Variants in GRM7 observed in about 807,000 individuals in gnomAD.
GRM7 encodes the protein metabotropic glutamate receptor 7.
A neutral mutation model predicts 84.5 loss-of-function variants in GRM7; 35 were observed. That is an observed-to-expected ratio of 0.41 (90% CI 0.32 to 0.55). GRM7 has a LOEUF of 0.55. Ranked by LOEUF, GRM7 falls within the 20% of genes least tolerant of loss-of-function variation. GRM7 has a pLI of 0.19. For missense variants in GRM7, 1,003 were observed against 1,194.6 expected, an observed-to-expected ratio of 0.84 and a Z score of 2.36; for synonymous variants, 487 against 455.1, an observed-to-expected ratio of 1.07 and a Z score of -0.89.
chr3:6,929,035 A>G (rs577000658), intron 1 of GRM7, among the ~76,000 whole-genome samples: 1 of 152,288 alleles, frequency 6.6e-6, no homozygotes, highest in South Asian at 2.1e-4. Context: ...AAAGCTGATA[A>G]ATAATTGGAA....
At chr3:7,155,361 C>T (rs1165571651) in intron 2 of GRM7, among the ~76,000 whole-genome samples, 1 of 151,972 alleles carries the variant, frequency 6.6e-6, no homozygotes, top group Non-Finnish European at 1.5e-5. Context: ...TTGCCCTTAC[C>T]AAAGGCTCCC....
chr3:7,378,222 G>T (rs1256454140), intron 4 of GRM7, among the ~76,000 whole-genome samples: 1 of 152,130 alleles, frequency 6.6e-6, no homozygotes, highest in Non-Finnish European at 1.5e-5. Flanking sequence ...AGTCCTCAAA[G>T]AAGAAGTTGT....
intron 5 of GRM7, among the ~76,000 whole-genome samples, chr3:7,440,161 C>A (rs1398005192): frequency 6.6e-6 from 1 of 152,048 alleles, no homozygotes; most frequent in African/African-American, 2.4e-5. Context: ...CAAAGGGAGG[C>A]ATGAATGATT....
chr3:7,715,834 T>C (rs563656955), intron 9 of GRM7, among the ~76,000 whole-genome samples: 1 of 152,164 alleles, frequency 6.6e-6, no homozygotes, highest in Non-Finnish European at 1.5e-5. Context: ...TTCTTTAGTT[T>C]TTGAATCATT....
chr3:7,255,962 A>G (rs550461108), intron 2 of GRM7, among the ~76,000 whole-genome samples: 1 of 152,224 alleles, frequency 6.6e-6, no homozygotes, highest in African/African-American at 2.4e-5. Flanking sequence ...CTCCATTAAC[A>G]CTTAGATAAA....
intron 4 of GRM7, among the ~76,000 whole-genome samples, chr3:7,364,278 A>G (rs1693786412): frequency 6.6e-6 from 1 of 151,840 alleles, no homozygotes; most frequent in African/African-American, 2.4e-5. Flanking sequence ...CCTTTACCCC[A>G]TTAAGAATTT....
chr3:6,892,569 C>T (rs1696005107), intron 1 of GRM7: 2 of 152,082 alleles, frequency 1.3e-5, no homozygotes, highest in South Asian at 4.1e-4. Flanking sequence ...CTGTCAGGGA[C>T]AAGAGCAGGA....
At chr3:7,608,840 A>G (rs1160904323) in intron 8 of GRM7, among the ~76,000 whole-genome samples, 1 of 151,980 alleles carries the variant, frequency 6.6e-6, no homozygotes, top group Admixed American at 6.6e-5. Context: ...GGGTTTTTAT[A>G]GTTTGGAGTT....
intron 1 of GRM7, among the ~76,000 whole-genome samples, chr3:6,971,709 C>A (rs1025582148): frequency 6.6e-6 from 1 of 151,882 alleles, no homozygotes; most frequent in Admixed American, 6.6e-5. Context: ...TCCTTTTTTT[C>A]TTCCTGTACA....
rs182101184 is a variant in GRM7, at chr3:6,887,680, G to T, written c.519+25773G>T. On this transcript the variant is annotated intron_variant, in intron 1 of 9. Coordinates refer to ENST00000357716, the MANE Select transcript of GRM7 (RefSeq NM_000844.4). ...AGTCTTTGCTATTGTGAAGAGTGCT[G>T]CAATAAACATACGTGTGCATGTGTT... Among the ~76,000 whole-genome samples the T allele has an allele frequency of 7.4e-4, 113 of 152,232 alleles. 2 individuals are homozygous for T. The highest frequency in any genetic ancestry group is 2.5e-3 in the African/African-American group (105 of 41,542).
At chr3:6,908,630 C>T (rs1348951098) in intron 1 of GRM7, among the ~76,000 whole-genome samples, 3 of 152,114 alleles carry the variant, frequency 2.0e-5, no homozygotes, top group East Asian at 1.9e-4. Flanking sequence ...TACCTGTCCT[C>T]GCACAGAGTC....
At chr3:7,164,921 G>A (rs1242853856) in intron 2 of GRM7, among the ~76,000 whole-genome samples, 2 of 152,152 alleles carry the variant, frequency 1.3e-5, no homozygotes, top group African/African-American at 4.8e-5. Context: ...AATATATGAA[G>A]AAGCTGAGAA....
intron 7 of GRM7, among the ~76,000 whole-genome samples, chr3:7,501,303 A>C (rs1228377213): frequency 6.6e-6 from 1 of 152,170 alleles, no homozygotes; most frequent in East Asian, 1.9e-4. Flanking sequence ...CAAAAGTGGA[A>C]TTTGGATATT....
rs60445645 is a variant in GRM7 at position 7,741,005 on chromosome 3, GT to G, written c.*610del. ...CGATTATAGTACCACTGCACATCATGTTTTTTTTTTTAAGACAAAAAAGATG... is the reference window on the plus strand; with the variant it reads ...CGATTATAGTACCACTGCACATCATGTTTTTTTTTTAAGACAAAAAAGATG... On this transcript the variant is annotated 3_prime_UTR_variant, in exon 10 of 10. Coordinates refer to ENST00000357716, the MANE Select transcript of GRM7 (RefSeq NM_000844.4). The G allele has an allele frequency of 0.18, 25,965 of 147,882 alleles. 2,378 individuals are homozygous for G. Among genetic ancestry groups the G allele is most frequent in the African/African-American group, 0.19 (7,622 of 40,436 alleles). 9.2% of individuals were successfully genotyped at this position (147,882 alleles called of 1,614,324 possible).
At chr3:7,163,959 C>A (rs1482391979) in intron 2 of GRM7, among the ~76,000 whole-genome samples, 1 of 152,184 alleles carries the variant, frequency 6.6e-6, no homozygotes, top group Non-Finnish European at 1.5e-5. Flanking sequence ...GTGTTCAAGT[C>A]ATCTTGACAT....
chr3:7,031,314 T>G (rs1287582480), intron 1 of GRM7, among the ~76,000 whole-genome samples: 3 of 152,138 alleles, frequency 2.0e-5, no homozygotes, highest in Admixed American at 2.0e-4. Flanking sequence ...TTCCCTTGAT[T>G]TAGTTCAGAT....
intron 4 of GRM7, among the ~76,000 whole-genome samples, chr3:7,319,811 T>C (rs1700708995): frequency 6.6e-6 from 1 of 152,048 alleles, no homozygotes; most frequent in South Asian, 2.1e-4. Flanking sequence ...CTTATTTTTG[T>C]ATCTTGTTGC....
chr3:7,523,932 G>T (rs1144026), intron 7 of GRM7, among the ~76,000 whole-genome samples: 1 of 151,846 alleles, frequency 6.6e-6, no homozygotes, highest in Non-Finnish European at 1.5e-5. Context: ...TAGTTTTCTG[G>T]GTTTTGTTGT....
At chr3:7,195,825 T>C (rs1318722975) in intron 2 of GRM7, among the ~76,000 whole-genome samples, 2 of 152,274 alleles carry the variant, frequency 1.3e-5, no homozygotes, top group East Asian at 1.9e-4. Context: ...TAATATTTGC[T>C]AAAGGCAGTT....
Sources: gnomAD v4.1 joint callset for allele counts (sites outside exome capture counted in the v4.1 genomes callset) on GRCh38, gnomAD v4.1.1 for gene constraint, MANE v1.5 for transcripts, NCBI Gene and HGNC (gene_info 2026-07-23, HGNC 2026-07-21) for gene names.